The following CNTN3 variants were observed in gnomAD, a reference collection of about 807,000 sequenced individuals.
The protein encoded by CNTN3 is contactin-3.
In CNTN3, 60 loss-of-function variants were observed where a neutral mutation model predicts 119.1. The observed-to-expected ratio is 0.50, with a 90% CI of 0.41 to 0.62. The LOEUF (loss-of-function observed/expected upper bound fraction) is 0.62, where lower values mean the gene tolerates loss of function less well. CNTN3 is among the 20% of genes least tolerant of loss of function. CNTN3 has a pLI of 0.00. For missense variants in CNTN3, 1,101 were observed against 1,242.4 expected, an observed-to-expected ratio of 0.89 and a Z score of 1.71; for synonymous variants, 450 against 438.7, an observed-to-expected ratio of 1.03 and a Z score of -0.32.
At chr3:74,429,817 T>A (rs1356734423) in intron 4 of CNTN3, among the ~76,000 whole-genome samples, 2 of 151,774 alleles carry the variant, frequency 1.3e-5, no homozygotes, top group African/African-American at 4.8e-5. Flanking sequence ...CATTAGAAAA[T>A]GGGAAGAAGA....
chr3:74,564,020 C>G (rs1447830), intron 1 of CNTN3, among the ~76,000 whole-genome samples: 23 of 152,098 alleles, frequency 1.5e-4, no homozygotes. Flanking sequence ...TGGATAGGAG[C>G]GGTCCCTGCT....
intron 14 of CNTN3, 82 bp from the exon 15 acceptor site, chr3:74,301,887 T>A (rs1702466773): frequency 1.4e-6 from 2 of 1,459,186 alleles, no homozygotes; most frequent in East Asian, 2.3e-5. Flanking sequence ...GAATGTCACA[T>A]GACCACTTCA....
At position 74,570,927 on chromosome 3, in the gene CNTN3, G is replaced by A. The variant is rs557052237; in HGVS notation, c.-81+43464C>T. 5.9e-5 allele frequency among the ~76,000 whole-genome samples: 9 copies of A among 152,252 alleles called. No homozygotes were observed. The East Asian group carries it at 1.7e-3, about 29-fold the overall frequency. Reference sequence around the variant, plus strand: ...GTGTTTGGTATTCAACTCCTAAGGGGATTTAATCTGTAGACTTCACTTTTT... The same window carrying A: ...GTGTTTGGTATTCAACTCCTAAGGGAATTTAATCTGTAGACTTCACTTTTT... On this transcript the variant is annotated intron_variant, in intron 1 of 22. Coordinates refer to ENST00000263665, the MANE Select transcript of CNTN3 (RefSeq NM_020872.3).
At chr3:74,467,838 A>C (rs1167550614) in intron 4 of CNTN3, among the ~76,000 whole-genome samples, 1 of 152,212 alleles carries the variant, frequency 6.6e-6, no homozygotes, top group Non-Finnish European at 1.5e-5. Context: ...ACGGTAATAA[A>C]GGAACACTCC....
intron 5 of CNTN3, among the ~76,000 whole-genome samples, chr3:74,381,536 T>G (rs1401406283): frequency 1.3e-5 from 2 of 152,078 alleles, no homozygotes; most frequent in Non-Finnish European, 2.9e-5. Context: ...CAAATACAGA[T>G]AGTAGTTTTA....
intron 8 of CNTN3, among the ~76,000 whole-genome samples, chr3:74,366,197 CTTAA>C (rs1302212788): frequency 9.2e-5 from 14 of 151,982 alleles, no homozygotes; most frequent in Admixed American, 7.9e-4. Context: ...TTAGAAATAA[CTTAA>C]TTAAATACAA....
chr3:74,300,912 A>T (rs970760877), intron 16 of CNTN3, among the ~76,000 whole-genome samples: 1 of 152,214 alleles, frequency 6.6e-6, no homozygotes, highest in African/African-American at 2.4e-5. Context: ...TCACATGGAA[A>T]TTCCTATCAA....
intron 4 of CNTN3, among the ~76,000 whole-genome samples, chr3:74,470,561 C>T (rs1702541077): frequency 6.6e-6 from 1 of 152,048 alleles, no homozygotes; most frequent in Non-Finnish European, 1.5e-5. Flanking sequence ...AAGAAAAAAG[C>T]CTTGGGTGGA....
intron 16 of CNTN3, 49 bp from the exon 17 acceptor site, chr3:74,299,987 T>A: frequency 8.4e-7 from 1 of 1,189,942 alleles, no homozygotes; most frequent in Non-Finnish European, 1.2e-6. Flanking sequence ...CATTTAGTAA[T>A]ATTTATCTAA....
rs1300206955 is a variant in CNTN3 at position 74,521,101 on chromosome 3, T to C, written c.12A>G (p.Pro4=). 1 of 1,598,962 alleles carries C rather than the reference T, an allele frequency of 6.3e-7. No individual in the cohort carries two copies. Among genetic ancestry groups the C allele is most frequent in the Non-Finnish European group, 8.5e-7 (1 of 1,171,498 alleles). Residue 4 remains proline, a synonymous_variant, in exon 2 of 23, where the codon CCA becomes CCG. Transcript: ENST00000263665. ...ATGAAAGCAGGATCAACTGTTTCCA[T>C]GGAAACATCATCTTTAATTGCCAAA... MMF[P]WKQLILLSFI...
At chr3:74,360,180 G>A (rs954534436) in intron 11 of CNTN3, among the ~76,000 whole-genome samples, 7 of 152,186 alleles carry the variant, frequency 4.6e-5, no homozygotes, top group African/African-American at 1.4e-4. Flanking sequence ...TCTAAAAGCC[G>A]TTCAACCTGG....
Position 74,285,508 on chromosome 3 carries a change from A to T in CNTN3, c.2518-17T>A. 1 of 1,590,294 alleles carries T rather than the reference A, an allele frequency of 6.3e-7. No individual in the cohort carries two copies. Among genetic ancestry groups the T allele is most frequent in the Non-Finnish European group, 8.5e-7 (1 of 1,170,324 alleles). On this transcript the variant is annotated splice_polypyrimidine_tract_variant and intron_variant, in intron 19 of 22. Coordinates refer to ENST00000263665, the MANE Select transcript of CNTN3 (RefSeq NM_020872.3). Reference sequence around the variant, plus strand: ...GTACCGCACCTGGTGGGCGGAAGACACCAAACATGTGAAGGCTTAAAAAAT... The same window carrying T: ...GTACCGCACCTGGTGGGCGGAAGACTCCAAACATGTGAAGGCTTAAAAAAT...
intron 1 of CNTN3, among the ~76,000 whole-genome samples, chr3:74,593,990 A>T (rs1462784962): frequency 6.6e-6 from 1 of 151,954 alleles, no homozygotes; most frequent in Non-Finnish European, 1.5e-5. Context: ...GAGGCCACAG[A>T]GGGGATTGAA....
chr3:74,305,095 G>A (rs1259964080), intron 13 of CNTN3, among the ~76,000 whole-genome samples: 1 of 152,210 alleles, frequency 6.6e-6, no homozygotes, highest in Non-Finnish European at 1.5e-5. Flanking sequence ...TTTAACACAT[G>A]GCCCATGCTT....
At chr3:74,346,077 C>G (rs1421869912) in intron 11 of CNTN3, among the ~76,000 whole-genome samples, 1 of 151,728 alleles carries the variant, frequency 6.6e-6, no homozygotes, top group Admixed American at 6.6e-5. Context: ...TGAAATACGA[C>G]ACGATATAAG....
At chr3:74,442,709 C>A (rs2106931099) in intron 4 of CNTN3, among the ~76,000 whole-genome samples, 1 of 152,274 alleles carries the variant, frequency 6.6e-6, no homozygotes, top group Non-Finnish European at 1.5e-5. Context: ...GATTCAGCAA[C>A]TATAATAATA....
At chr3:74,612,601 T>C (rs1301251235) in intron 1 of CNTN3, among the ~76,000 whole-genome samples, 3 of 152,180 alleles carry the variant, frequency 2.0e-5, no homozygotes, top group African/African-American at 7.2e-5. Flanking sequence ...ACACTCGGTG[T>C]CTCGGTTATC....
intron 13 of CNTN3, among the ~76,000 whole-genome samples, chr3:74,327,254 G>C (rs1279634018): frequency 6.6e-6 from 1 of 151,572 alleles, no homozygotes; most frequent in Non-Finnish European, 1.5e-5. Context: ...TCAGCCTCTC[G>C]AGTAGCTGTG....
chr3:74,533,006 T>C (rs920005285), intron 1 of CNTN3, among the ~76,000 whole-genome samples: 14 of 151,894 alleles, frequency 9.2e-5, no homozygotes, highest in African/African-American at 3.4e-4. Flanking sequence ...CCCTATCCCA[T>C]GGCCAAAACA....
Sources: allele counts gnomAD v4.1 joint callset (sites outside exome capture counted in the v4.1 genomes callset), GRCh38; gene constraint gnomAD v4.1.1; transcripts MANE v1.5; gene names NCBI Gene and HGNC (gene_info 2026-07-23, HGNC 2026-07-21).